The following TRAF3 variants were observed in gnomAD, a reference collection of about 807,000 sequenced individuals.
The protein encoded by TRAF3 is TNF receptor-associated factor 3.
Under a neutral mutation model 62.3 loss-of-function variants are expected in TRAF3, and 13 were observed. That is an observed-to-expected ratio of 0.21 (90% CI 0.14 to 0.33). The LOEUF (loss-of-function observed/expected upper bound fraction) is 0.33, where lower values mean the gene tolerates loss of function less well. Ranked by LOEUF, TRAF3 falls within the 10% of genes least tolerant of loss-of-function variation. TRAF3 has a pLI of 1.00. For synonymous variants in TRAF3, 269 were observed against 283.4 expected (o/e 0.95, Z 0.51); for missense variants, 440 against 741.8 (o/e 0.59, Z 4.73).
At chr14:102,838,344 C>T (rs913844321) in intron 2 of TRAF3, among the ~76,000 whole-genome samples, 1 of 152,176 alleles carries the variant, frequency 6.6e-6, no homozygotes, top group Non-Finnish European at 1.5e-5. Flanking sequence ...AAGGCAAGTA[C>T]AGGCTTGTAA....
chr14:102,825,025 T>A (rs1360137898), intron 1 of TRAF3, among the ~76,000 whole-genome samples: 1 of 152,236 alleles, frequency 6.6e-6, no homozygotes, highest in Non-Finnish European at 1.5e-5. Context: ...AGGATAGGTC[T>A]TACTCCTTTC....
chr14:102,811,065 A>T (rs1899099427), intron 1 of TRAF3, among the ~76,000 whole-genome samples: 1 of 152,202 alleles, frequency 6.6e-6, no homozygotes, highest in African/African-American at 2.4e-5. Context: ...CACCATTAGC[A>T]TCTTGGTGTA....
intron 9 of TRAF3, among the ~76,000 whole-genome samples, chr14:102,892,532 G>C (rs1197554355): frequency 6.6e-6 from 1 of 152,220 alleles, no homozygotes; most frequent in Admixed American, 6.5e-5. Context: ...AGTTGTTATA[G>C]GATCTACCAT....
At chr14:102,816,936 C>A (rs12882491) in intron 1 of TRAF3, among the ~76,000 whole-genome samples, 1 of 151,962 alleles carries the variant, frequency 6.6e-6, no homozygotes, top group Admixed American at 6.6e-5. Flanking sequence ...GGATTTGGAA[C>A]GTATCTTGAA....
At position 102,841,661 on chromosome 14, in the gene TRAF3, A is replaced by G. The variant is rs1706453204; in HGVS notation, c.-18+11189A>G. 3.3e-5 allele frequency among the ~76,000 whole-genome samples: 5 copies of G among 152,226 alleles called. No homozygotes were observed. The South Asian group carries it at 1.0e-3, about 32-fold the overall frequency. On this transcript the variant is annotated intron_variant, in intron 2 of 11. Transcript: ENST00000392745. The stretch of plus-strand genomic sequence containing the variant: ...CCCCGACTATATTTAAAAAGGATGT[A>G]ATAAAACTAGCACCCAAAAATGTAA...
intron 2 of TRAF3, among the ~76,000 whole-genome samples, chr14:102,854,550 C>T (rs1315762100): frequency 6.6e-6 from 1 of 152,098 alleles, no homozygotes; most frequent in African/African-American, 2.4e-5. Context: ...GCCCAGGCTG[C>T]AGTGCAGTAG....
At chr14:102,891,618 G>T (rs1193253773) in intron 9 of TRAF3, among the ~76,000 whole-genome samples, 1 of 152,162 alleles carries the variant, frequency 6.6e-6, no homozygotes. Flanking sequence ...CCAAGCAAGT[G>T]TGAAGTGCTT....
intron 6 of TRAF3, among the ~76,000 whole-genome samples, chr14:102,883,222 C>G (rs1441690373): frequency 6.6e-6 from 1 of 152,148 alleles, no homozygotes; most frequent in Non-Finnish European, 1.5e-5. Flanking sequence ...TGTTGTTATA[C>G]GACAAGGAGA....
chr14:102,901,192 C>T (rs1162791784), intron 10 of TRAF3, among the ~76,000 whole-genome samples: 1 of 152,134 alleles, frequency 6.6e-6, no homozygotes, highest in African/African-American at 2.4e-5. Context: ...GCTGGAGACT[C>T]CCCGTTCTGT....
At chr14:102,881,614 G>C (rs1889073260) in intron 6 of TRAF3, among the ~76,000 whole-genome samples, 1 of 152,152 alleles carries the variant, frequency 6.6e-6, no homozygotes, top group Non-Finnish European at 1.5e-5. Context: ...GCATCAGGAA[G>C]AATAGCTAAT....
At chr14:102,840,603 G>A (rs1886320079) in intron 2 of TRAF3, among the ~76,000 whole-genome samples, 2 of 152,020 alleles carry the variant, frequency 1.3e-5, no homozygotes. Context: ...GCATGGCTTG[G>A]CAAGACACCA....
In TRAF3 at chr14:102,865,010, T is replaced by A. The variant is rs570806860; in HGVS notation, c.-17-5175T>A. On this transcript the variant is annotated intron_variant, in intron 2 of 11. Coordinates refer to ENST00000392745, the MANE Select transcript of TRAF3 (RefSeq NM_145725.3). ...TTGCTCAGGACAGGACAGGTAAGTGTTTATATCCTATTTGAGGACTTAAGA... is the reference window on the plus strand; with the variant it reads ...TTGCTCAGGACAGGACAGGTAAGTGATTATATCCTATTTGAGGACTTAAGA... Among the ~76,000 whole-genome samples the A allele has an allele frequency of 3.9e-5, 6 of 152,308 alleles. No individual in the cohort carries two copies. In the South Asian group the frequency reaches 1.2e-3, roughly 32 times the overall value.
intron 2 of TRAF3, among the ~76,000 whole-genome samples, chr14:102,839,227 T>TTTGAAACAG (rs1595349668): frequency 7.0e-6 from 1 of 142,668 alleles, no homozygotes; most frequent in African/African-American, 2.7e-5. Context: ...TTTTTTTTTT[T>TTTGAAACAG]TTTTTTTTTT....
chr14:102,887,511 G>A (rs1889461776), intron 7 of TRAF3, among the ~76,000 whole-genome samples: 1 of 152,258 alleles, frequency 6.6e-6, no homozygotes, highest in Admixed American at 6.5e-5. Flanking sequence ...GCCCCTGGGA[G>A]GAGCTAGGGA....
intron 1 of TRAF3, among the ~76,000 whole-genome samples, chr14:102,803,686 C>T (rs977618008): frequency 2.6e-5 from 4 of 151,860 alleles, no homozygotes; most frequent in African/African-American, 9.7e-5. Context: ...GCTGGGTGTG[C>T]ACCCTGCACC....
chr14:102,792,302 A>G (rs1897842764), intron 1 of TRAF3, among the ~76,000 whole-genome samples: 1 of 149,618 alleles, frequency 6.7e-6, no homozygotes, highest in African/African-American at 2.5e-5. Context: ...TAATTTTTTA[A>G]TTTTTGTGGA....
intron 1 of TRAF3, among the ~76,000 whole-genome samples, chr14:102,801,676 G>C (rs1310465032): frequency 6.6e-6 from 1 of 151,480 alleles, no homozygotes; most frequent in Non-Finnish European, 1.5e-5. Flanking sequence ...CTGGGACCAC[G>C]AGTATGAGCC....
chr14:102,911,311 T>C lies in TRAF3; in HGVS notation c.*5527T>C, dbSNP rs1890856928. The C allele has an allele frequency of 6.6e-6, 1 of 152,246 alleles. No individual in the cohort carries two copies. Among genetic ancestry groups the C allele is most frequent in the Non-Finnish European group, 1.5e-5 (1 of 68,042 alleles). 9.4% of individuals were successfully genotyped at this position (152,246 alleles called of 1,614,324 possible). The stretch of plus-strand genomic sequence containing the variant: ...CAACATGCCTGACTTCCTGATAGCA[T>C]TACTGTTTTCTAGTTTTGTTTATTG... On this transcript the variant is annotated 3_prime_UTR_variant, in exon 12 of 12. Transcript: ENST00000392745.
At chr14:102,858,545 A>T (rs1475367583) in intron 2 of TRAF3, among the ~76,000 whole-genome samples, 1 of 152,180 alleles carries the variant, frequency 6.6e-6, no homozygotes, top group Non-Finnish European at 1.5e-5. Context: ...CTGACTATAA[A>T]CCACCTTTTG....
Sources: allele counts gnomAD v4.1 joint callset (sites outside exome capture counted in the v4.1 genomes callset), GRCh38; gene constraint gnomAD v4.1.1; transcripts MANE v1.5; gene names NCBI Gene and HGNC (gene_info 2026-07-23, HGNC 2026-07-21).